The following ALKBH8 variants were observed in gnomAD, a reference collection of about 807,000 sequenced individuals.
The protein encoded by ALKBH8 is tRNA (carboxymethyluridine(34)-5-O)-methyltransferase ALKBH8.
Under a neutral mutation model 59.8 loss-of-function variants are expected in ALKBH8, and 36 were observed. That is an observed-to-expected ratio of 0.60 (90% CI 0.46 to 0.79). ALKBH8 has a LOEUF of 0.79. Among genes scored for constraint, ALKBH8 ranks in the 30% least tolerant of loss-of-function variants. The pLI is 0.00. For missense variants in ALKBH8, 768 were observed against 801.0 expected, an observed-to-expected ratio of 0.96 and a Z score of 0.50; for synonymous variants, 276 against 273.6, an observed-to-expected ratio of 1.01 and a Z score of -0.09.
chr11:107,550,708 C>T (rs1864452957), intron 6 of ALKBH8, among the ~76,000 whole-genome samples: 2 of 152,328 alleles, frequency 1.3e-5, no homozygotes, highest in South Asian at 2.1e-4. Flanking sequence ...GAAAACAAAA[C>T]TCCATAACTC....
intron 3 of ALKBH8, among the ~76,000 whole-genome samples, chr11:107,555,358 T>C (rs1276771289): frequency 1.3e-5 from 2 of 152,236 alleles, no homozygotes; most frequent in East Asian, 1.9e-4. Flanking sequence ...TAAAAGTACA[T>C]ATGGATCTAA....
chr11:107,504,868 G>A lies in ALKBH8; in HGVS notation c.1785C>T (p.Pro595=). The part of the protein sequence containing the change: ...TSFYSQDVLV[P]WHLKGNPDKG... ...TATCAGGATTTCCCTTAAGGTGCCAGGGAACCAGTACATCTTGAGAATAAA... is the reference window on the plus strand; with the variant it reads ...TATCAGGATTTCCCTTAAGGTGCCAAGGAACCAGTACATCTTGAGAATAAA... The change falls in exon 12 of 12, where the codon CCC becomes CCT. Residue 595 remains proline, a synonymous_variant. Coordinates refer to ENST00000428149, the MANE Select transcript of ALKBH8 (RefSeq NM_138775.3). 1 of 1,551,794 alleles carries A rather than the reference G, an allele frequency of 6.4e-7. No individual in the cohort carries two copies. Among genetic ancestry groups the A allele is most frequent in the Non-Finnish European group, 8.7e-7 (1 of 1,146,988 alleles).
chr11:107,506,958 A>C (rs1339370957), intron 11 of ALKBH8, among the ~76,000 whole-genome samples: 1 of 151,628 alleles, frequency 6.6e-6, no homozygotes, highest in Non-Finnish European at 1.5e-5. Context: ...AAAGGGCAGA[A>C]GGGGTTAAAT....
chr11:107,512,947 C>T (rs889423768), intron 10 of ALKBH8, among the ~76,000 whole-genome samples: 1 of 152,154 alleles, frequency 6.6e-6, no homozygotes, highest in African/African-American at 2.4e-5. Flanking sequence ...TACAAAAACT[C>T]TGGAAGATAA....
At position 107,504,978 on chromosome 11, in the gene ALKBH8, G is replaced by A. The variant is rs577135985; in HGVS notation, c.1675C>T (p.Arg559Cys). 5.8e-6 allele frequency: 9 copies of A among 1,551,584 alleles called. No individual in the cohort carries two copies. The highest frequency in any genetic ancestry group is 1.7e-4 in the Middle Eastern group (1 of 5,992). ...CCTCCTTCCTGAGAGTCATTAATGC[G>A]GGGGACAGAAGATGCCGAGTCTCGA... ...GSRDSASSVPRINDSQEGGCN... is the reference protein window; with the variant it reads ...GSRDSASSVPCINDSQEGGCN... Residue 559 changes from arginine (R) to cysteine (C), a missense_variant, in exon 12 of 12, where the codon CGC (arginine) becomes TGC (cysteine). By Grantham distance (180) the Arg-to-Cys change is radical. Coordinates refer to ENST00000428149, the MANE Select transcript of ALKBH8 (RefSeq NM_138775.3).
In ALKBH8 at chr11:107,505,220, T is replaced by C; in HGVS notation, c.1438-5A>G. ...GAGAGCTGCCACTCTACGCTCCTAA[T>C]GAAAAAAAACAAAACACATGATCAA... On this transcript the variant is annotated splice_region_variant and splice_polypyrimidine_tract_variant and intron_variant, in intron 11 of 11. Transcript: ENST00000428149. 6.6e-7 allele frequency: 1 copy of C among 1,510,854 alleles called. No individual in the cohort carries two copies. The highest frequency in any genetic ancestry group is 8.9e-7 in the Non-Finnish European group (1 of 1,129,010). 93.6% of individuals were successfully genotyped at this position (1,510,854 alleles called of 1,614,324 possible).
chr11:107,554,128 G>T, intron 3 of ALKBH8, 150 bp from the exon 4 acceptor site: 1 of 936,044 alleles, frequency 1.1e-6, no homozygotes, highest in Non-Finnish European at 1.6e-6. Context: ...CATATTAAAA[G>T]TGCAGAAACA....
In ALKBH8 at chr11:107,533,394, C is replaced by T. The variant is rs551101081; in HGVS notation, c.772-988G>A. 6.6e-5 allele frequency among the ~76,000 whole-genome samples: 10 copies of T among 152,218 alleles called. No homozygotes were observed. The South Asian group carries it at 2.1e-3, about 32-fold the overall frequency. On this transcript the variant is annotated intron_variant, in intron 7 of 11. Coordinates refer to ENST00000428149, the MANE Select transcript of ALKBH8 (RefSeq NM_138775.3). ...ATTCAATAAATGGTAGCTACTATTA[C>T]TATTAATAGTAATATTGGATCAAAT...
Position 107,510,945 on chromosome 11 carries a change from C to T in ALKBH8, c.1379G>A (p.Arg460His), listed in dbSNP as rs1166118032. ...GATGCAGGCATCACAAGACCCACTG[C>T]GGACTGGTACTGCCAATGCATCACA... Reference protein sequence around the residue: ...FVCDALAVPVRSGSCDACISI... With the variant: ...FVCDALAVPVHSGSCDACISI... Residue 460 changes from arginine to histidine, a missense_variant, in exon 11 of 12, where the codon CGC (arginine) becomes CAC (histidine). Transcript: ENST00000428149. 16 of 1,551,646 alleles carry T rather than the reference C, an allele frequency of 1.0e-5. No individual in the cohort carries two copies. Among genetic ancestry groups the T allele is most frequent in the South Asian group, 8.3e-5 (7 of 84,060 alleles).
intron 11 of ALKBH8, 23 bp downstream of exon 11, chr11:107,510,864 A>G: frequency 6.5e-7 from 1 of 1,548,314 alleles, no homozygotes. Flanking sequence ...CAAGTTCTTA[A>G]GAGAAAGAAA....
intron 11 of ALKBH8, among the ~76,000 whole-genome samples, chr11:107,507,065 C>A (rs1250810405): frequency 6.6e-6 from 1 of 151,366 alleles, no homozygotes; most frequent in Non-Finnish European, 1.5e-5. Flanking sequence ...TCTAGGGTAA[C>A]CATTTAAAAA....
At chr11:107,557,252 T>A (rs1347231664) in intron 2 of ALKBH8, among the ~76,000 whole-genome samples, 1 of 152,232 alleles carries the variant, frequency 6.6e-6, no homozygotes, top group Non-Finnish European at 1.5e-5. Flanking sequence ...AAAATATTCA[T>A]TTCTAAATGA....
At chr11:107,520,979 C>T (rs945283906) in intron 10 of ALKBH8, among the ~76,000 whole-genome samples, 2 of 152,120 alleles carry the variant, frequency 1.3e-5, no homozygotes, top group African/African-American at 4.8e-5. Flanking sequence ...CAACTATTTA[C>T]ACAGCATTTA....
At position 107,553,099 on chromosome 11, in the gene ALKBH8, ATTAC is replaced by A; in HGVS notation, c.595+5_595+8del. 6.5e-7 allele frequency: 1 copy of A among 1,543,118 alleles called. No individual in the cohort carries two copies. Among genetic ancestry groups the A allele is most frequent in the Non-Finnish European group, 8.8e-7 (1 of 1,131,244 alleles). On this transcript the variant is annotated splice_donor_5th_base_variant and intron_variant, in intron 5 of 11. Coordinates refer to ENST00000428149, the MANE Select transcript of ALKBH8 (RefSeq NM_138775.3). The stretch of plus-strand genomic sequence containing the variant: ...AGCCAGAATTTATTATGTATTAGCA[ATTAC>A]TTACCCCCAGATAATGGCTTATCTT...
At chr11:107,529,691 G>A (rs1004996240) in intron 8 of ALKBH8, among the ~76,000 whole-genome samples, 6 of 146,764 alleles carry the variant, frequency 4.1e-5, no homozygotes, top group Non-Finnish European at 8.8e-5. Context: ...TTTTAGTAGA[G>A]ACGGGGTTTC....
chr11:107,528,235 TGTTATGAGAGATGTTG>T (rs1863432683), intron 8 of ALKBH8, among the ~76,000 whole-genome samples: 1 of 152,182 alleles, frequency 6.6e-6, no homozygotes, highest in Non-Finnish European at 1.5e-5. Context: ...TTCTCATCTC[TGTTATGAGAGATGTTG>T]GTTTGTAATT....
chr11:107,533,985 C>T (rs1197270657), intron 7 of ALKBH8, among the ~76,000 whole-genome samples: 3 of 151,926 alleles, frequency 2.0e-5, no homozygotes, highest in African/African-American at 7.3e-5. Context: ...AAAACATTAG[C>T]CGGGCATAGT....
intron 10 of ALKBH8, 138 bp from the exon 11 acceptor site, chr11:107,511,174 G>A (rs1862607752): frequency 4.8e-6 from 4 of 832,190 alleles, no homozygotes; most frequent in Admixed American, 5.5e-5. Flanking sequence ...TGATACTATC[G>A]GTTCTTACAG....
chr11:107,538,157 T>G (rs1323238930), intron 7 of ALKBH8, among the ~76,000 whole-genome samples: 2 of 151,954 alleles, frequency 1.3e-5, no homozygotes, highest in Admixed American at 1.3e-4. Flanking sequence ...GATTTTCTGT[T>G]TTTTTTTACA....
Sources: gnomAD v4.1 joint callset for allele counts (sites outside exome capture counted in the v4.1 genomes callset) on GRCh38, gnomAD v4.1.1 for gene constraint, MANE v1.5 for transcripts, NCBI Gene and HGNC (gene_info 2026-07-23, HGNC 2026-07-21) for gene names.